Variants in EDARADD observed in about 807,000 individuals in gnomAD.
The protein encoded by EDARADD is EDAR associated via death domain.
A neutral mutation model predicts 25.6 loss-of-function variants in EDARADD; 20 were observed. The ratio of observed to expected loss-of-function variants is 0.78; its 90% CI spans 0.55 to 1.14. The LOEUF (loss-of-function observed/expected upper bound fraction) is 1.14. Among genes scored for constraint, EDARADD ranks in the 50% most tolerant of loss-of-function variants. The pLI, the probability that EDARADD is intolerant of heterozygous loss-of-function variation, is 0.00. For missense variants in EDARADD, 225 were observed against 270.1 expected, an observed-to-expected ratio of 0.83 and a Z score of 1.17; for synonymous variants, 86 against 94.4, an observed-to-expected ratio of 0.91 and a Z score of 0.52.
intron 1 of EDARADD, among the ~76,000 whole-genome samples, chr1:236,404,112 GCCCC>G (rs2103004737): frequency 6.6e-6 from 1 of 152,298 alleles, no homozygotes; most frequent in Non-Finnish European, 1.5e-5. Context: ...GGCTCACGTG[GCCCC>G]GCTTCTCCTC....
At chr1:236,350,124 A>C (rs1447070435) in intron 2 of EDARADD, among the ~76,000 whole-genome samples, 2 of 152,188 alleles carry the variant, frequency 1.3e-5, no homozygotes, top group Non-Finnish European at 2.9e-5. Flanking sequence ...AAAACAAAAA[A>C]GAACAATGAA....
intron 1 of EDARADD, among the ~76,000 whole-genome samples, chr1:236,400,174 T>G (rs910040097): frequency 1.3e-5 from 2 of 152,238 alleles, no homozygotes; most frequent in African/African-American, 2.4e-5. Flanking sequence ...TTCATTTCTC[T>G]TCCTTTCTTA....
At chr1:236,431,113 TTAAAATAAA>T (rs947871949) in intron 4 of EDARADD, among the ~76,000 whole-genome samples, 7 of 123,560 alleles carry the variant, frequency 5.7e-5, no homozygotes. Flanking sequence ...AGACCCTGTC[TTAAAATAAA>T]TAAATAAATA....
At chr1:236,393,276 C>T (rs1667449529), upstream of EDARADD, among the ~76,000 whole-genome samples, 1 of 151,628 alleles carries the variant, frequency 6.6e-6, no homozygotes, top group Non-Finnish European at 1.5e-5. Context: ...TTGGAGGTCA[C>T]TCAAAGAGCA....
chr1:236,421,607 C>T (rs931489733), intron 3 of EDARADD, among the ~76,000 whole-genome samples: 1 of 150,012 alleles, frequency 6.7e-6, no homozygotes, highest in Non-Finnish European at 1.5e-5. Flanking sequence ...AAGCCATTCT[C>T]CTGCCGCAGC....
intron 4 of EDARADD, among the ~76,000 whole-genome samples, chr1:236,428,636 T>G (rs1467147632): frequency 7.1e-6 from 1 of 140,214 alleles, no homozygotes; most frequent in Non-Finnish European, 1.6e-5. Flanking sequence ...GCGGAGACGC[T>G]CCTCACTTCC....
Position 236,484,482 on chromosome 1 carries a change from C to A in EDARADD, c.*1833C>A. The A allele has an allele frequency of 6.2e-7, 1 of 1,603,362 alleles. No individual in the cohort carries two copies. Among genetic ancestry groups the A allele is most frequent in the Non-Finnish European group, 8.5e-7 (1 of 1,174,016 alleles). ...CCCAGCCAAGTAAGCTGTGGGCAGG[C>A]AAGCCCTTCAGTCACCTGGTGGCTA... On this transcript the variant is annotated 3_prime_UTR_variant, in exon 6 of 6. Coordinates refer to ENST00000334232, the MANE Select transcript of EDARADD (RefSeq NM_145861.4). The surrounding 1 kb of genome is among the most constrained non-coding windows in gnomAD (Gnocchi z 4.1).
intron 4 of EDARADD, among the ~76,000 whole-genome samples, chr1:236,466,186 T>C (rs1290289996): frequency 2.0e-5 from 3 of 152,148 alleles, no homozygotes; most frequent in African/African-American, 7.2e-5. Context: ...ACGGTGACTG[T>C]GTTGGTAAAA....
chr1:236,387,232 T>C (rs1667368800), intron 3 of EDARADD, among the ~76,000 whole-genome samples: 3 of 52,866 alleles, frequency 5.7e-5, no homozygotes, highest in African/African-American at 7.5e-5. Flanking sequence ...AGCCGCCCCG[T>C]CCGGGAGGTG....
intron 5 of EDARADD, among the ~76,000 whole-genome samples, chr1:236,475,974 T>C (rs910855118): frequency 6.6e-6 from 1 of 151,548 alleles, no homozygotes; most frequent in Non-Finnish European, 1.5e-5. Context: ...GTGGATCACC[T>C]GAGGTCAAGA....
At chr1:236,480,096 C>CATATATATATATATAT (rs72215388) in intron 5 of EDARADD, among the ~76,000 whole-genome samples, 63 of 77,818 alleles carry the variant, frequency 8.1e-4, no homozygotes, top group East Asian at 1.2e-3. Flanking sequence ...TTAAGTATGC[C>CATATATATATATATAT]ATATATATAT....
At chr1:236,349,414 A>T (rs1389043923) in intron 2 of EDARADD, among the ~76,000 whole-genome samples, 2 of 152,072 alleles carry the variant, frequency 1.3e-5, no homozygotes, top group African/African-American at 4.8e-5. Context: ...GTTGCGTGAC[A>T]TGTGCCCAAG....
At chr1:236,362,596 T>A (rs1051642047) in intron 3 of EDARADD, among the ~76,000 whole-genome samples, 1 of 152,150 alleles carries the variant, frequency 6.6e-6, no homozygotes, top group Non-Finnish European at 1.5e-5. Context: ...TGGATTCCAC[T>A]TTTGGTGTTG....
At chr1:236,475,155 C>CA (rs56374605) in intron 5 of EDARADD, among the ~76,000 whole-genome samples, 28,289 of 150,466 alleles carry the variant, frequency 0.19, 3,008 homozygotes, top group Non-Finnish European at 0.24. Flanking sequence ...CAAAACAAGA[C>CA]AAAAAAAAAC....
chr1:236,405,755 TTC>T (rs1237064589), intron 1 of EDARADD, among the ~76,000 whole-genome samples: 1 of 54,292 alleles, frequency 1.8e-5, no homozygotes, highest in Admixed American at 2.1e-4. Flanking sequence ...CTTTCTTTCT[TTC>T]TTTCTTTCTT....
At chr1:236,477,724 A>G (rs1659550435) in intron 5 of EDARADD, among the ~76,000 whole-genome samples, 1 of 152,190 alleles carries the variant, frequency 6.6e-6, no homozygotes, top group African/African-American at 2.4e-5. Context: ...GTATGGAGAT[A>G]GAAAAAGATA....
chr1:236,396,699 T>C (rs1667521190), intron 1 of EDARADD, among the ~76,000 whole-genome samples: 1 of 151,816 alleles, frequency 6.6e-6, no homozygotes, highest in South Asian at 2.1e-4. Context: ...GATCTACCTT[T>C]TTTTTTTTTA....
Position 236,431,605 on chromosome 1 carries a change from C to CAGG in EDARADD, c.219+4165_219+4167dup, listed in dbSNP as rs551424443. On this transcript the variant is annotated intron_variant, in intron 4 of 5. Coordinates refer to ENST00000334232, the MANE Select transcript of EDARADD (RefSeq NM_145861.4). ...TGGGTATTCTTGGACATAAAAAATA[C>CAGG]AGGAGGAGGAGGTGGAAGTTAAGAC... Among the ~76,000 whole-genome samples the CAGG allele has an allele frequency of 4.1e-3, 626 of 152,150 alleles. 11 individuals carry two copies. Among genetic ancestry groups the CAGG allele is most frequent in the African/African-American group, 0.014 (600 of 41,476 alleles).
chr1:236,476,658 T>A (rs1377394918), intron 5 of EDARADD, among the ~76,000 whole-genome samples: 1 of 150,014 alleles, frequency 6.7e-6, no homozygotes, highest in Non-Finnish European at 1.5e-5. Context: ...CCCAAGTAGC[T>A]GGGATTACAG....
Sources: gnomAD v4.1 joint callset for allele counts (sites outside exome capture counted in the v4.1 genomes callset) on GRCh38, gnomAD v4.1.1 for gene constraint, Gnocchi (gnomAD v3.1) non-coding constraint, MANE v1.5 for transcripts, NCBI Gene and HGNC (gene_info 2026-07-23, HGNC 2026-07-21) for gene names.